Variants in FOXJ3 observed in about 807,000 individuals in gnomAD.
The protein encoded by FOXJ3 is forkhead box J3.
A neutral mutation model predicts 76.1 loss-of-function variants in FOXJ3; 22 were observed. The ratio of observed to expected loss-of-function variants is 0.29; its 90% CI spans 0.21 to 0.41. FOXJ3 has a LOEUF of 0.41. Ranked by LOEUF, FOXJ3 falls within the 10% of genes least tolerant of loss-of-function variation. FOXJ3 has a pLI of 1.00. For missense variants in FOXJ3, 613 were observed against 762.1 expected (o/e 0.80, Z 2.30); for synonymous variants, 269 against 261.2 (o/e 1.03, Z -0.29).
At chr1:42,266,112 A>C (rs916467132) in intron 3 of FOXJ3, among the ~76,000 whole-genome samples, 1 of 152,180 alleles carries the variant, frequency 6.6e-6, no homozygotes, top group South Asian at 2.1e-4. Context: ...ACCTTCTGGG[A>C]TCATATTTTG....
chr1:42,332,451 A>G (rs1230290486), intron 1 of FOXJ3, among the ~76,000 whole-genome samples: 1 of 152,236 alleles, frequency 6.6e-6, no homozygotes, highest in Admixed American at 6.5e-5. Flanking sequence ...CCTGTCATAC[A>G]GTAAGTAAAT....
intron 4 of FOXJ3, among the ~76,000 whole-genome samples, chr1:42,238,277 C>T (rs934207849): frequency 4.5e-4 from 68 of 152,250 alleles, no homozygotes; most frequent in Non-Finnish European, 6.5e-4. Context: ...TCAAGTGATC[C>T]GCCCACCTCA....
chr1:42,199,196 T>G lies in FOXJ3; in HGVS notation c.665A>C (p.Asp222Ala). 6.2e-7 allele frequency: 1 copy of G among 1,613,012 alleles called. No homozygotes were observed. Residue 222 changes from aspartate to alanine, a missense_variant, in exon 7 of 13, where the codon GAT becomes GCT. Transcript: ENST00000361346. The stretch of plus-strand genomic sequence containing the variant: ...GTTGTTAAGGCTACTGCGTGGGCTA[T>G]CACTACCATCCTGATCAGTGTTATA... ...TLYNTDQDGS[D>A]SPRSSLNNSL... is the part of the protein sequence containing the mutation.
At chr1:42,252,230 T>A (rs776472396) in intron 4 of FOXJ3, among the ~76,000 whole-genome samples, 3 of 152,176 alleles carry the variant, frequency 2.0e-5, no homozygotes, top group African/African-American at 7.2e-5. Context: ...CTGGTAGAAT[T>A]TGGCTGTGAA....
intron 2 of FOXJ3, among the ~76,000 whole-genome samples, 176 bp from the exon 3 acceptor site, chr1:42,278,848 T>A (rs1652485529): frequency 6.6e-6 from 1 of 152,228 alleles, no homozygotes; most frequent in Admixed American, 6.5e-5. Context: ...AACATTCCAA[T>A]CTTTTTTCTT....
intron 5 of FOXJ3, among the ~76,000 whole-genome samples, chr1:42,224,441 A>AT (rs1647382900): frequency 6.6e-6 from 1 of 152,070 alleles, no homozygotes; most frequent in South Asian, 2.1e-4. Flanking sequence ...TGGGTTAAGC[A>AT]TATTAGGATG....
intron 5 of FOXJ3, among the ~76,000 whole-genome samples, chr1:42,207,188 T>TC (rs1199011538): frequency 1.3e-5 from 2 of 152,100 alleles, no homozygotes; most frequent in Non-Finnish European, 2.9e-5. Flanking sequence ...TCATATCCCT[T>TC]CCCCCTACCC....
rs943113728 is a variant in FOXJ3 at position 42,227,876 on chromosome 1, C to G, written c.528+7G>C. 1.8e-5 allele frequency: 27 copies of G among 1,523,708 alleles called. No homozygotes were observed. Among genetic ancestry groups the G allele is most frequent in the Non-Finnish European group, 2.3e-5 (26 of 1,114,216 alleles). The allele number at this position is 1,523,708 out of a possible 1,614,324, so 94.4% of individuals were successfully genotyped here. On this transcript the variant is annotated splice_region_variant and intron_variant, in intron 5 of 12. Coordinates refer to ENST00000361346, the MANE Select transcript of FOXJ3 (RefSeq NM_014947.5). ...ATTACACTAAATTTATGATAAAGAGCCTTTACCCGTTCTACAGATCGTGCC... is the reference window on the plus strand; with the variant it reads ...ATTACACTAAATTTATGATAAAGAGGCTTTACCCGTTCTACAGATCGTGCC...
chr1:42,229,339 C>T (rs973939171), intron 4 of FOXJ3, among the ~76,000 whole-genome samples: 14 of 152,120 alleles, frequency 9.2e-5, no homozygotes, highest in South Asian at 4.1e-4. Flanking sequence ...CTATTTTACT[C>T]GTTTCTATAT....
intron 4 of FOXJ3, among the ~76,000 whole-genome samples, chr1:42,229,370 T>C (rs1304654251): frequency 6.6e-6 from 1 of 152,142 alleles, no homozygotes; most frequent in Non-Finnish European, 1.5e-5. Context: ...AGTCACAATG[T>C]CAGACACAAA....
chr1:42,278,095 C>T (rs373673117), intron 3 of FOXJ3, among the ~76,000 whole-genome samples: 4 of 152,076 alleles, frequency 2.6e-5, no homozygotes, highest in Non-Finnish European at 4.4e-5. Context: ...GGTATGGTTT[C>T]CAGTGAACGC....
At chr1:42,239,154 C>G (rs565296893) in intron 4 of FOXJ3, among the ~76,000 whole-genome samples, 86 of 152,240 alleles carry the variant, frequency 5.6e-4, no homozygotes, top group African/African-American at 2.0e-3. Flanking sequence ...CATATTATTT[C>G]TAGTAGTTTT....
intron 4 of FOXJ3, among the ~76,000 whole-genome samples, chr1:42,253,943 A>C (rs1173849493): frequency 2.0e-5 from 3 of 151,532 alleles, no homozygotes; most frequent in Non-Finnish European, 3.0e-5. Context: ...CAATGGCAAC[A>C]AAAGCCAAAA....
intron 6 of FOXJ3, among the ~76,000 whole-genome samples, chr1:42,201,157 C>T (rs1030014193): frequency 2.6e-5 from 4 of 152,016 alleles, no homozygotes; most frequent in Admixed American, 2.6e-4. Flanking sequence ...AGGCTTTATC[C>T]GTAGATTCTT....
chr1:42,324,886 T>C (rs1655737563), intron 1 of FOXJ3, among the ~76,000 whole-genome samples: 1 of 152,170 alleles, frequency 6.6e-6, no homozygotes. Context: ...TACTGTAGAC[T>C]TTATAAACAC....
At chr1:42,188,265 A>G (rs556882199) in intron 11 of FOXJ3, among the ~76,000 whole-genome samples, 3 of 152,272 alleles carry the variant, frequency 2.0e-5, no homozygotes, top group Admixed American at 6.5e-5. Flanking sequence ...TACAGGAAAG[A>G]TTTTGGGTCT....
At chr1:42,280,753 A>C (rs1652649431) in intron 2 of FOXJ3, among the ~76,000 whole-genome samples, 1 of 152,178 alleles carries the variant, frequency 6.6e-6, no homozygotes, top group Non-Finnish European at 1.5e-5. Flanking sequence ...AAGATGAAAA[A>C]ATTTAAATAG....
At chr1:42,311,363 T>C (rs912524059) in intron 1 of FOXJ3, among the ~76,000 whole-genome samples, 1 of 151,972 alleles carries the variant, frequency 6.6e-6, no homozygotes, top group Non-Finnish European at 1.5e-5. Context: ...GTAACAGAAA[T>C]AGATACACTA....
intron 3 of FOXJ3, among the ~76,000 whole-genome samples, chr1:42,267,459 A>G (rs1392341237): frequency 6.6e-6 from 1 of 152,170 alleles, no homozygotes; most frequent in Non-Finnish European, 1.5e-5. Flanking sequence ...GACAGACTCA[A>G]TCCCCACAAG....
Sources: gnomAD v4.1 joint callset for allele counts (sites outside exome capture counted in the v4.1 genomes callset) on GRCh38, gnomAD v4.1.1 for gene constraint, MANE v1.5 for transcripts, NCBI Gene and HGNC (gene_info 2026-07-23, HGNC 2026-07-21) for gene names.